The following KCNMA1 variants were observed in gnomAD, a reference collection of about 807,000 sequenced individuals.
The protein encoded by KCNMA1 is Calcium-activated potassium channel subunit alpha-1.
KCNMA1 carries 29 observed loss-of-function variants against 140.0 expected under a neutral mutation model. The observed-to-expected ratio is 0.21, with a 90% CI of 0.15 to 0.28. KCNMA1 has a LOEUF of 0.28. Ranked by LOEUF, KCNMA1 falls within the 10% of genes least tolerant of loss-of-function variation. The pLI is 1.00. For synonymous variants in KCNMA1, 612 were observed against 611.9 expected, an observed-to-expected ratio of 1.00 and a Z score of 0.00; for missense variants, 880 against 1,602.2, an observed-to-expected ratio of 0.55 and a Z score of 7.70.
At chr10:77,328,910 G>A (rs1249656057) in intron 2 of KCNMA1, among the ~76,000 whole-genome samples, 3 of 151,814 alleles carry the variant, frequency 2.0e-5, no homozygotes, top group African/African-American at 2.4e-5. Context: ...GCATGATCTC[G>A]GCTCACTGCA....
chr10:77,139,077 T>C (rs1026873509), intron 5 of KCNMA1, among the ~76,000 whole-genome samples: 1 of 152,210 alleles, frequency 6.6e-6, no homozygotes, highest in Admixed American at 6.5e-5. Context: ...CACCCTCTTC[T>C]AGAACAGTGA....
chr10:77,495,041 T>A (rs1396770716), intron 1 of KCNMA1, among the ~76,000 whole-genome samples: 1 of 152,258 alleles, frequency 6.6e-6, no homozygotes, highest in East Asian at 1.9e-4. Context: ...CTTGATCATC[T>A]GCAAAGACCT....
Position 77,536,729 on chromosome 10 carries a change from C to T in KCNMA1, c.378+100536G>A, listed in dbSNP as rs1477696384. ...TGTCTGTCAGCTGGAAGCAAAAAGG[C>T]CCACTTCAGAAGTCATTGACTAAAT... On this transcript the variant is annotated intron_variant, in intron 1 of 27. Coordinates refer to ENST00000286628, the MANE Select transcript of KCNMA1 (RefSeq NM_001161352.2). Among the ~76,000 whole-genome samples the T allele has an allele frequency of 2.6e-5, 4 of 152,120 alleles. No homozygotes were observed. The East Asian group carries it at 7.7e-4, about 29-fold the overall frequency.
chr10:77,240,376 T>A (rs1233043192), intron 3 of KCNMA1, among the ~76,000 whole-genome samples: 1 of 152,168 alleles, frequency 6.6e-6, no homozygotes, highest in African/African-American at 2.4e-5. Context: ...TTTGAAAATG[T>A]GTTAGATGGC....
intron 1 of KCNMA1, among the ~76,000 whole-genome samples, chr10:77,416,847 T>G (rs145881303): frequency 3.5e-4 from 53 of 152,332 alleles, no homozygotes; most frequent in Non-Finnish European, 7.1e-4. Flanking sequence ...TGTTTTTTGT[T>G]CTGTCCTGCT....
intron 6 of KCNMA1, among the ~76,000 whole-genome samples, chr10:77,114,161 C>A (rs2097393705): frequency 6.6e-6 from 1 of 152,080 alleles, no homozygotes; most frequent in Admixed American, 6.5e-5. Context: ...ATATCCTGCT[C>A]CCCAAAAACC....
chr10:77,197,846 G>C (rs1165759939), intron 3 of KCNMA1, among the ~76,000 whole-genome samples: 1 of 152,176 alleles, frequency 6.6e-6, no homozygotes, highest in Non-Finnish European at 1.5e-5. Context: ...CGATATGAGA[G>C]AGGTGAGTTA....
At chr10:77,568,187 C>G (rs1225502183) in intron 1 of KCNMA1, among the ~76,000 whole-genome samples, 1 of 151,906 alleles carries the variant, frequency 6.6e-6, no homozygotes, top group Non-Finnish European at 1.5e-5. Flanking sequence ...CCTTCTGAAA[C>G]TATTCCAATC....
intron 2 of KCNMA1, among the ~76,000 whole-genome samples, chr10:77,369,053 A>T (rs1157478612): frequency 6.6e-6 from 1 of 152,210 alleles, no homozygotes; most frequent in Non-Finnish European, 1.5e-5. Flanking sequence ...TAAATTTTAG[A>T]AATTGGTTTG....
At chr10:77,592,914 C>T (rs2154565012) in intron 1 of KCNMA1, among the ~76,000 whole-genome samples, 1 of 152,278 alleles carries the variant, frequency 6.6e-6, no homozygotes, top group Admixed American at 6.5e-5. Context: ...GCAGTGGGGT[C>T]CAATAAAGAC....
At chr10:77,439,087 A>AAACAGAAGAG in intron 1 of KCNMA1, among the ~76,000 whole-genome samples, 1 of 124,926 alleles carries the variant, frequency 8.0e-6, no homozygotes, top group East Asian at 2.4e-4. Flanking sequence ...AAAGAAAAGA[A>AAACAGAAGAG]AAGAGAAGAG....
At chr10:77,600,617 A>T (rs537512640) in intron 1 of KCNMA1, among the ~76,000 whole-genome samples, 8 of 152,136 alleles carry the variant, frequency 5.3e-5, no homozygotes, top group Admixed American at 1.3e-4. Flanking sequence ...GCTTGGTGGC[A>T]CATGCCTGTA....
intron 1 of KCNMA1, among the ~76,000 whole-genome samples, chr10:77,631,218 C>G (rs566173420): frequency 5.9e-5 from 9 of 152,196 alleles, no homozygotes; most frequent in African/African-American, 2.2e-4. Context: ...GTTTTCTGTC[C>G]AAAGTGCTAG....
intron 3 of KCNMA1, among the ~76,000 whole-genome samples, chr10:77,223,628 A>G (rs1286378895): frequency 6.6e-6 from 1 of 152,164 alleles, no homozygotes; most frequent in African/African-American, 2.4e-5. Context: ...ACACAAGTTC[A>G]TTTTCTCAAA....
At chr10:77,471,074 ACAC>A (rs1180638061) in intron 1 of KCNMA1, among the ~76,000 whole-genome samples, 1 of 151,920 alleles carries the variant, frequency 6.6e-6, no homozygotes, top group East Asian at 1.9e-4. Context: ...CATACTACAC[ACAC>A]AACACATATA....
At chr10:77,222,150 C>T (rs764393237) in intron 3 of KCNMA1, among the ~76,000 whole-genome samples, 51 of 152,294 alleles carry the variant, frequency 3.3e-4, no homozygotes, top group Middle Eastern at 6.8e-3. Flanking sequence ...GGAGTAGAGA[C>T]GCTGCTCTCC....
chr10:77,224,175 G>A (rs1311904656), intron 3 of KCNMA1, among the ~76,000 whole-genome samples: 1 of 152,210 alleles, frequency 6.6e-6, no homozygotes, highest in African/African-American at 2.4e-5. Flanking sequence ...AGCCTTACAT[G>A]TGTCTGCTCC....
intron 1 of KCNMA1, among the ~76,000 whole-genome samples, chr10:77,440,521 G>A (rs11002166): frequency 0.092 from 13,956 of 152,244 alleles, 769 homozygotes; most frequent in South Asian, 0.15. Flanking sequence ...GTCCAGGGGA[G>A]GGAGCAAGAC....
intron 1 of KCNMA1, among the ~76,000 whole-genome samples, chr10:77,598,041 G>A (rs767488447): frequency 2.0e-5 from 3 of 152,010 alleles, no homozygotes; most frequent in East Asian, 1.9e-4. Flanking sequence ...GCGCGATCTC[G>A]GTTCACTGCA....
Sources: allele counts gnomAD v4.1 joint callset (sites outside exome capture counted in the v4.1 genomes callset), GRCh38; gene constraint gnomAD v4.1.1; transcripts MANE v1.5; gene names NCBI Gene and HGNC (gene_info 2026-07-23, HGNC 2026-07-21).